Variants in ARHGAP15 observed in about 807,000 individuals in gnomAD.
The protein encoded by ARHGAP15 is rho GTPase-activating protein 15.
A neutral mutation model predicts 63.7 loss-of-function variants in ARHGAP15; 51 were observed. The observed-to-expected ratio is 0.80, with a 90% CI of 0.64 to 1.01. The LOEUF is 1.01. ARHGAP15 is among the 50% of genes least tolerant of loss of function. The pLI, the probability that ARHGAP15 is intolerant of heterozygous loss-of-function variation, is 0.00. For synonymous variants in ARHGAP15, 191 were observed against 193.8 expected, an observed-to-expected ratio of 0.99 and a Z score of 0.12; for missense variants, 560 against 564.6, an observed-to-expected ratio of 0.99 and a Z score of 0.08.
chr2:143,498,467 A>C (rs796604358), intron 9 of ARHGAP15, among the ~76,000 whole-genome samples: 33 of 152,290 alleles, frequency 2.2e-4, no homozygotes, highest in African/African-American at 7.9e-4. Flanking sequence ...TTTGAAATTG[A>C]CTATATTGCT....
intron 6 of ARHGAP15, among the ~76,000 whole-genome samples, chr2:143,254,521 G>T (rs1412510935): frequency 6.6e-6 from 1 of 151,922 alleles, no homozygotes; most frequent in African/African-American, 2.4e-5. Context: ...AAATATTTTG[G>T]AAAGCCTAGG....
intron 1 of ARHGAP15, among the ~76,000 whole-genome samples, chr2:143,145,571 C>T (rs543787522): frequency 6.6e-6 from 1 of 152,104 alleles, no homozygotes; most frequent in East Asian, 1.9e-4. Flanking sequence ...TCAGTATTCC[C>T]CACCCTGTCA....
intron 12 of ARHGAP15, among the ~76,000 whole-genome samples, chr2:143,703,099 G>T (rs1051187774): frequency 6.6e-6 from 1 of 152,162 alleles, no homozygotes; most frequent in Non-Finnish European, 1.5e-5. Context: ...TCACATTGTT[G>T]TTGCTTTCAT....
intron 11 of ARHGAP15, among the ~76,000 whole-genome samples, chr2:143,584,487 G>A (rs758205569): frequency 5.3e-5 from 8 of 151,956 alleles, no homozygotes; most frequent in South Asian, 2.1e-4. Context: ...TTAGCTGGGC[G>A]TGGTGGCAGG....
chr2:143,662,943 C>T (rs186178785), intron 12 of ARHGAP15, among the ~76,000 whole-genome samples: 2,611 of 123,490 alleles, frequency 0.021, 42 homozygotes, highest in East Asian at 0.05. Context: ...GTCTGATTGG[C>T]GTACCTGAAA....
At chr2:143,717,355 C>G (rs1359273263) in intron 13 of ARHGAP15, among the ~76,000 whole-genome samples, 2 of 152,184 alleles carry the variant, frequency 1.3e-5, no homozygotes, top group East Asian at 3.9e-4. Context: ...TTCAGTTCAC[C>G]TTTAATTCTG....
intron 12 of ARHGAP15, among the ~76,000 whole-genome samples, chr2:143,699,266 T>A (rs1277928873): frequency 6.6e-6 from 1 of 152,224 alleles, no homozygotes; most frequent in Non-Finnish European, 1.5e-5. Flanking sequence ...AAAAAAACAC[T>A]GCTTTACTAT....
chr2:143,194,928 C>T (rs531438183), intron 2 of ARHGAP15, among the ~76,000 whole-genome samples: 4 of 152,210 alleles, frequency 2.6e-5, no homozygotes, highest in East Asian at 3.9e-4. Flanking sequence ...TTTTAGCAAA[C>T]GCTTCCCTTT....
chr2:143,742,433 C>T (rs1283147737), intron 13 of ARHGAP15, among the ~76,000 whole-genome samples: 2 of 152,192 alleles, frequency 1.3e-5, no homozygotes. Flanking sequence ...TAAATTTCTT[C>T]AAGTCAGAAC....
intron 13 of ARHGAP15, among the ~76,000 whole-genome samples, chr2:143,706,937 T>G (rs1299345253): frequency 6.6e-6 from 1 of 152,172 alleles, no homozygotes; most frequent in Non-Finnish European, 1.5e-5. Flanking sequence ...CATTTTCCTA[T>G]AGCCTGCTTC....
In ARHGAP15 at chr2:143,276,594, T is replaced by C. The variant is rs184572491; in HGVS notation, c.474+25994T>C. 1.6e-3 allele frequency among the ~76,000 whole-genome samples: 244 copies of C among 152,322 alleles called. 1 individual carries two copies. The highest frequency in any genetic ancestry group is 5.0e-3 in the African/African-American group (206 of 41,574). On this transcript the variant is annotated intron_variant, in intron 6 of 13. Transcript: ENST00000295095. ...TTCATATGCCTACATATTCCTTCTCTCATTACATTTTGCATCTTTGTAAAG... is the reference window on the plus strand; with the variant it reads ...TTCATATGCCTACATATTCCTTCTCCCATTACATTTTGCATCTTTGTAAAG...
intron 6 of ARHGAP15, among the ~76,000 whole-genome samples, chr2:143,330,139 C>CAAAAAAAA (rs1553465099): frequency 1.8e-5 from 1 of 55,508 alleles, no homozygotes; most frequent in Non-Finnish European, 3.6e-5. Context: ...AAACCAAAAA[C>CAAAAAAAA]AAAAAACTAA....
In ARHGAP15 at chr2:143,370,362, G is replaced by C. The variant is rs190786894; in HGVS notation, c.475-65239G>C. ...GGGGACTGTTGTGGGGTGGGGGAAG[G>C]GGGGAGGGATAGCACTGGGAGATAT... On this transcript the variant is annotated intron_variant, in intron 6 of 13. Transcript: ENST00000295095. Among the ~76,000 whole-genome samples, 13 of 152,174 alleles carry C rather than the reference G, an allele frequency of 8.5e-5. No homozygotes were observed. In the South Asian group the frequency reaches 2.1e-3, roughly 24 times the overall value.
intron 12 of ARHGAP15, among the ~76,000 whole-genome samples, chr2:143,665,527 TCAC>T (rs1682116516): frequency 1.7e-5 from 1 of 57,994 alleles, no homozygotes; most frequent in African/African-American, 7.0e-5. Context: ...ATGCCCTCTC[TCAC>T]CACTCCTATT....
At chr2:143,454,213 T>C (rs1453587253) in intron 8 of ARHGAP15, among the ~76,000 whole-genome samples, 1 of 152,034 alleles carries the variant, frequency 6.6e-6, no homozygotes, top group South Asian at 2.1e-4. Flanking sequence ...CTGGTATTTA[T>C]GGGCTTGTCA....
At chr2:143,664,275 G>A (rs541468517) in intron 12 of ARHGAP15, among the ~76,000 whole-genome samples, 22 of 151,928 alleles carry the variant, frequency 1.4e-4, no homozygotes, top group African/African-American at 4.3e-4. Context: ...ACTCAAAACC[G>A]CTCAACTACA....
chr2:143,318,291 C>T (rs1413220592), intron 6 of ARHGAP15, among the ~76,000 whole-genome samples: 1 of 152,040 alleles, frequency 6.6e-6, no homozygotes, highest in Non-Finnish European at 1.5e-5. Flanking sequence ...TAGGTGTGAG[C>T]CACCATGCCC....
chr2:143,487,347 A>C, intron 8 of ARHGAP15, 26 bp from the exon 9 acceptor site: 1 of 1,578,474 alleles, frequency 6.3e-7, no homozygotes, highest in East Asian at 2.3e-5. Context: ...ATTTACCAAA[A>C]GCCTCTGATT....
intron 6 of ARHGAP15, among the ~76,000 whole-genome samples, chr2:143,334,725 A>C (rs1040296700): frequency 5.3e-5 from 8 of 152,228 alleles, no homozygotes; most frequent in African/African-American, 1.7e-4. Flanking sequence ...ATAAGCAAAG[A>C]AGCATCTAAA....
Sources: allele counts gnomAD v4.1 joint callset (sites outside exome capture counted in the v4.1 genomes callset), GRCh38; gene constraint gnomAD v4.1.1; transcripts MANE v1.5; gene names NCBI Gene and HGNC (gene_info 2026-07-23, HGNC 2026-07-21).